The following ATP2B2 variants were observed in gnomAD, a reference collection of about 807,000 sequenced individuals.
ATP2B2 encodes the protein ATPase plasma membrane Ca2+ transporting 2, also known as plasma membrane calcium-transporting ATPase 2.
A neutral mutation model predicts 120.0 loss-of-function variants in ATP2B2; 15 were observed. The observed-to-expected ratio is 0.12, with a 90% CI of 0.08 to 0.19. The LOEUF is 0.19. Ranked by LOEUF, ATP2B2 falls within the 10% of genes least tolerant of loss-of-function variation. The probability of loss-of-function intolerance (pLI) is 1.00; values close to 1 mark genes in which losing one functional copy is unlikely to be tolerated. For missense variants in ATP2B2, 1,045 were observed against 1,719.8 expected (o/e 0.61, Z 6.94); for synonymous variants, 694 against 700.3 (o/e 0.99, Z 0.14).
chr3:10,540,201 T>C (rs2125493545), intron 2 of ATP2B2, among the ~76,000 whole-genome samples: 1 of 152,202 alleles, frequency 6.6e-6, no homozygotes, highest in East Asian at 1.9e-4. Flanking sequence ...ATGGTGATCA[T>C]TAAAAAGTCA....
chr3:10,449,454 C>T lies in ATP2B2; in HGVS notation c.90G>A (p.Glu30=). Reference sequence around the variant, plus strand: ...CCCGCAGCTCCATGAGGGAGCGGAGCTCCTCCATTGTGCACCCGAACTCGC... The same window carrying T: ...CCCGCAGCTCCATGAGGGAGCGGAGTTCCTCCATTGTGCACCCGAACTCGC... The part of the protein sequence containing the change: ...HGGEFGCTME[E]LRSLMELRGT... Residue 30 remains glutamate (E), a synonymous_variant, in exon 2 of 23, where the codon GAG becomes GAA. Transcript: ENST00000360273. 1 of 1,614,266 alleles carries T rather than the reference C, an allele frequency of 6.2e-7. No homozygotes were observed.
At chr3:10,488,232 CCTATCCATCCATCCAT>C (rs556110661) in intron 1 of ATP2B2, among the ~76,000 whole-genome samples, 4,055 of 94,840 alleles carry the variant, frequency 0.043, 119 homozygotes, top group Non-Finnish European at 0.069. Flanking sequence ...CACTCATCCA[CCTATCCATCCATCCAT>C]CCATCCATCC....
intron 1 of ATP2B2, among the ~76,000 whole-genome samples, chr3:10,629,079 G>A (rs2125635600): frequency 6.6e-6 from 1 of 152,270 alleles, no homozygotes; most frequent in African/African-American, 2.4e-5. Context: ...GGCCTTCTGG[G>A]CTGAGGAACA....
At chr3:10,415,819 C>T (rs1283711720) in intron 2 of ATP2B2, among the ~76,000 whole-genome samples, 1 of 152,194 alleles carries the variant, frequency 6.6e-6, no homozygotes, top group Non-Finnish European at 1.5e-5. Context: ...AATTCAGAAA[C>T]ACAAATGTCC....
intron 2 of ATP2B2, among the ~76,000 whole-genome samples, chr3:10,536,210 T>C (rs766073679): frequency 6.6e-6 from 1 of 152,198 alleles, no homozygotes; most frequent in Non-Finnish European, 1.5e-5. Context: ...TTAAATTGGA[T>C]TTTTAAATTG....
chr3:10,505,106 GCATAA>G (rs1479318213), intron 1 of ATP2B2, among the ~76,000 whole-genome samples: 1 of 152,152 alleles, frequency 6.6e-6, no homozygotes, highest in African/African-American at 2.4e-5. Flanking sequence ...GCTGGCCCTT[GCATAA>G]CATCCTTAGG....
At chr3:10,581,145 C>G (rs952135139) in intron 2 of ATP2B2, among the ~76,000 whole-genome samples, 7 of 152,220 alleles carry the variant, frequency 4.6e-5, no homozygotes, top group African/African-American at 1.7e-4. Context: ...AACCAGTAGG[C>G]AGCAGGGCCA....
chr3:10,380,269 C>A (rs2061496785), intron 8 of ATP2B2, among the ~76,000 whole-genome samples: 1 of 152,224 alleles, frequency 6.6e-6, no homozygotes, highest in South Asian at 2.1e-4. Flanking sequence ...GCCTAGCACA[C>A]CTGCCTTCGC....
intron 1 of ATP2B2, among the ~76,000 whole-genome samples, chr3:10,696,833 C>T (rs573191963): frequency 5.3e-5 from 8 of 152,258 alleles, no homozygotes; most frequent in Middle Eastern, 6.8e-3. Flanking sequence ...GAGGTGGTAA[C>T]CAAGATAGAA....
At chr3:10,399,791 T>A (rs1428391038) in intron 5 of ATP2B2, among the ~76,000 whole-genome samples, 1 of 152,212 alleles carries the variant, frequency 6.6e-6, no homozygotes, top group Non-Finnish European at 1.5e-5. Context: ...GAGGGCCCGT[T>A]CTCTACAATT....
intron 5 of ATP2B2, among the ~76,000 whole-genome samples, chr3:10,393,636 G>C (rs959840075): frequency 6.6e-6 from 1 of 152,200 alleles, no homozygotes; most frequent in Non-Finnish European, 1.5e-5. Context: ...AGGAGAGAAA[G>C]GGGGGCCAGA....
intron 2 of ATP2B2, among the ~76,000 whole-genome samples, chr3:10,571,307 C>T (rs2068119982): frequency 1.3e-5 from 2 of 152,168 alleles, no homozygotes; most frequent in Non-Finnish European, 2.9e-5. Context: ...CCTGGTGGTG[C>T]CAGGAACAGA....
At position 10,453,944 on chromosome 3, in the gene ATP2B2, CCACT is replaced by C. The variant is rs556842479; in HGVS notation, c.-319-4086_-319-4083del. Among the ~76,000 whole-genome samples the C allele has an allele frequency of 1.1e-3, 158 of 148,346 alleles. 1 individual carries two copies. The highest frequency in any genetic ancestry group is 3.7e-3 in the African/African-American group (151 of 40,412). On this transcript the variant is annotated intron_variant, in intron 1 of 22. Coordinates refer to ENST00000360273, the MANE Select transcript of ATP2B2 (RefSeq NM_001001331.4). Reference sequence around the variant, plus strand: ...TCCATCCACCCATCTACCCACCCATCCACTCATCCATCCATCCATCCATGCACTC... The same window carrying C: ...TCCATCCACCCATCTACCCACCCATCCATCCATCCATCCATCCATGCACTC...
intron 1 of ATP2B2, among the ~76,000 whole-genome samples, chr3:10,472,422 G>A (rs1392117846): frequency 6.6e-6 from 1 of 152,198 alleles, no homozygotes; most frequent in Non-Finnish European, 1.5e-5. Context: ...CTGGGGGGAC[G>A]CTGCGGGGCA....
chr3:10,477,546 C>A (rs778412311), intron 1 of ATP2B2, among the ~76,000 whole-genome samples: 8 of 152,224 alleles, frequency 5.3e-5, no homozygotes, highest in Non-Finnish European at 8.8e-5. Context: ...CCAACACCAA[C>A]TCCCTTTTCC....
intron 6 of ATP2B2, among the ~76,000 whole-genome samples, chr3:10,386,797 T>A (rs2061694532): frequency 6.6e-6 from 1 of 152,200 alleles, no homozygotes; most frequent in Non-Finnish European, 1.5e-5. Context: ...ACATTCCCCA[T>A]CTTCCTTCTA....
chr3:10,534,843 C>T (rs2067277537), intron 2 of ATP2B2, among the ~76,000 whole-genome samples: 1 of 151,278 alleles, frequency 6.6e-6, no homozygotes, highest in South Asian at 2.1e-4. Context: ...TGCTATAGGG[C>T]TCCCTATCAG....
At chr3:10,604,051 C>G (rs972551920) in intron 2 of ATP2B2, among the ~76,000 whole-genome samples, 4 of 152,184 alleles carry the variant, frequency 2.6e-5, no homozygotes, top group Admixed American at 6.5e-5. Flanking sequence ...CCTCCTCCCT[C>G]TGCCTCCATA....
intron 2 of ATP2B2, among the ~76,000 whole-genome samples, chr3:10,601,289 C>G (rs375564039): frequency 3.0e-4 from 46 of 152,282 alleles, no homozygotes; most frequent in African/African-American, 1.1e-3. Flanking sequence ...GAGTCCAGTT[C>G]GGTCATACCC....
Sources: gnomAD v4.1 joint callset for allele counts (sites outside exome capture counted in the v4.1 genomes callset) on GRCh38, gnomAD v4.1.1 for gene constraint, MANE v1.5 for transcripts, NCBI Gene and HGNC (gene_info 2026-07-23, HGNC 2026-07-21) for gene names.